The following EFCAB13 variants were observed in gnomAD, a reference collection of about 807,000 sequenced individuals.
The protein encoded by EFCAB13 is EF-hand calcium binding domain 13, also known as EF-hand calcium-binding domain-containing protein 13.
In EFCAB13, 91 loss-of-function variants were observed where a neutral mutation model predicts 110.2. The ratio of observed to expected loss-of-function variants is 0.83; its 90% CI spans 0.70 to 0.98. The LOEUF is 0.98. EFCAB13 is among the 50% of genes least tolerant of loss of function. EFCAB13 has a pLI of 0.00. For missense variants in EFCAB13, 968 were observed against 1,119.4 expected, an observed-to-expected ratio of 0.86 and a Z score of 1.93; for synonymous variants, 323 against 369.9, an observed-to-expected ratio of 0.87 and a Z score of 1.45.
At position 47,377,859 on chromosome 17, in the gene EFCAB13, TAGATGAAGAATTCC is replaced by T. The variant is rs1241638939; in HGVS notation, c.1470_1483del (p.Asp490GlufsTer7). ...TTGCCTTCAACAGGAATTAATTTAT[TAGATGAAGAATTCC>T]AGAAGATTGTGACAGACACTAGTAG... On this transcript the variant is annotated frameshift_variant, in exon 13 of 25. Coordinates refer to ENST00000331493, the MANE Select transcript of EFCAB13 (RefSeq NM_152347.5). LOFTEE classifies it high-confidence loss of function. The T allele has an allele frequency of 3.1e-6, 5 of 1,595,940 alleles. No homozygotes were observed. In the African/African-American group the frequency reaches 6.8e-5, roughly 22 times the overall value.
At chr17:47,385,288 C>T (rs975891607) in intron 14 of EFCAB13, among the ~76,000 whole-genome samples, 15 of 152,072 alleles carry the variant, frequency 9.9e-5, no homozygotes, top group Admixed American at 3.3e-4. Flanking sequence ...CCTAATCAAT[C>T]GTAGGTTTGG....
Position 47,409,628 on chromosome 17 carries a change from T to C in EFCAB13, c.2234-19T>C. 3 of 1,598,224 alleles carry C rather than the reference T, an allele frequency of 1.9e-6. No individual in the cohort carries two copies. The highest frequency in any genetic ancestry group is 2.6e-6 in the Non-Finnish European group (3 of 1,165,822). Reference sequence around the variant, plus strand: ...GGATGCCATTCCTCATTGTGTAATGTCTCTCTCTAAATTTGCAGATTTCAG... The same window carrying C: ...GGATGCCATTCCTCATTGTGTAATGCCTCTCTCTAAATTTGCAGATTTCAG... On this transcript the variant is annotated intron_variant, in intron 20 of 24. Coordinates refer to ENST00000331493, the MANE Select transcript of EFCAB13 (RefSeq NM_152347.5).
Position 47,341,968 on chromosome 17 carries a change from T to C in EFCAB13, c.239T>C (p.Phe80Ser). 1 of 1,601,314 alleles carries C rather than the reference T, an allele frequency of 6.2e-7. No individual in the cohort carries two copies. The highest frequency in any genetic ancestry group is 8.5e-7 in the Non-Finnish European group (1 of 1,174,318). Residue 80 changes from phenylalanine (F) to serine (S), a missense_variant, in exon 6 of 25, where the codon TTT (phenylalanine) becomes TCT (serine). Physicochemically the swap from Phe to Ser is radical, Grantham distance 155 (BLOSUM62 -2). Coordinates refer to ENST00000331493, the MANE Select transcript of EFCAB13 (RefSeq NM_152347.5). ...TGTGGAGAAGAAAAGTCCTCTGATT[T>C]TTCAGGAGAAAAAAAAGTTGGGAGA... ...IFCGEEKSSD[F>S]SGEKKVGRKS...
At chr17:47,412,981 G>A in intron 22 of EFCAB13, 65 bp downstream of exon 22, 1 of 1,537,356 alleles carries the variant, frequency 6.5e-7, no homozygotes, top group Non-Finnish European at 8.8e-7. Context: ...TAGTCTTAGA[G>A]TGTACCTATA....
intron 24 of EFCAB13, among the ~76,000 whole-genome samples, chr17:47,434,352 C>T (rs1279369862): frequency 6.6e-6 from 1 of 151,900 alleles, no homozygotes; most frequent in Non-Finnish European, 1.5e-5. Flanking sequence ...ATATACTGAA[C>T]CAAGGAGGTG....
intron 15 of EFCAB13, 54 bp downstream of exon 15, chr17:47,391,634 AT>A (rs1301299757): frequency 6.4e-5 from 93 of 1,459,740 alleles, no homozygotes; most frequent in Non-Finnish European, 7.8e-5. Flanking sequence ...AGGAGGGTCA[AT>A]TTGTTATTTT....
At position 47,394,942 on chromosome 17, in the gene EFCAB13, C is replaced by T. The variant is rs543523903; in HGVS notation, c.1801+843C>T. Among the ~76,000 whole-genome samples, 11 of 152,046 alleles carry T rather than the reference C, an allele frequency of 7.2e-5. No individual in the cohort carries two copies. In the South Asian group the frequency reaches 2.3e-3, roughly 32 times the overall value. On this transcript the variant is annotated intron_variant, in intron 16 of 24. Transcript: ENST00000331493. ...TGTTAATATTGCATGTTTATGTTTA[C>T]TTCTTTTTCTTTTTTCTTCATTAGA...
At chr17:47,358,076 G>T (rs2065491112) in intron 9 of EFCAB13, among the ~76,000 whole-genome samples, 1 of 152,078 alleles carries the variant, frequency 6.6e-6, no homozygotes, top group African/African-American at 2.4e-5. Flanking sequence ...ATATATTGTT[G>T]TAATAAAATA....
chr17:47,419,953 C>T (rs1006546195), intron 23 of EFCAB13, among the ~76,000 whole-genome samples: 49 of 147,146 alleles, frequency 3.3e-4, no homozygotes, highest in Non-Finnish European at 5.8e-4. Flanking sequence ...CCTCTCCCCA[C>T]GGTCTCCCTC....
intron 21 of EFCAB13, 115 bp downstream of exon 21, chr17:47,409,806 A>AT (rs2065824475): frequency 1.3e-6 from 1 of 785,378 alleles, no homozygotes; most frequent in East Asian, 2.5e-5. Flanking sequence ...CCAGATTACT[A>AT]TTTTTCCACA....
chr17:47,394,929 A>G (rs1032781059), intron 16 of EFCAB13, among the ~76,000 whole-genome samples: 2 of 152,018 alleles, frequency 1.3e-5, no homozygotes, highest in African/African-American at 4.8e-5. Flanking sequence ...TTAATATTGC[A>G]TGTTTATGTT....
chr17:47,440,206 TA>T (rs1567810777), intron 24 of EFCAB13, among the ~76,000 whole-genome samples: 1 of 152,134 alleles, frequency 6.6e-6, no homozygotes, highest in Non-Finnish European at 1.5e-5. Context: ...GCCATTGTAA[TA>T]ATAAAGGTAT....
intron 10 of EFCAB13, among the ~76,000 whole-genome samples, chr17:47,365,835 G>A (rs949665367): frequency 1.3e-5 from 2 of 151,664 alleles, no homozygotes; most frequent in African/African-American, 2.4e-5. Context: ...GAGAAACAAA[G>A]CAAAAATAAA....
intron 9 of EFCAB13, among the ~76,000 whole-genome samples, chr17:47,359,482 A>T (rs538522402): frequency 6.0e-5 from 9 of 150,526 alleles, no homozygotes; most frequent in Non-Finnish European, 1.2e-4. Flanking sequence ...CTGACTATAA[A>T]TGATTTTCCG....
At chr17:47,340,371 A>G (rs1004709909) in intron 5 of EFCAB13, among the ~76,000 whole-genome samples, 1 of 152,114 alleles carries the variant, frequency 6.6e-6, no homozygotes, top group Admixed American at 6.6e-5. Context: ...GTGTGTGCCT[A>G]TAATTCAGTA....
chr17:47,404,015 G>T lies in EFCAB13; in HGVS notation c.2155G>T (p.Val719Phe). The T allele has an allele frequency of 1.9e-6, 3 of 1,585,456 alleles. No homozygotes were observed. Among genetic ancestry groups the T allele is most frequent in the South Asian group, 1.2e-5 (1 of 85,044 alleles). Residue 719 changes from valine (V) to phenylalanine (F), a missense_variant, in exon 19 of 25, where the codon GTT (valine) becomes TTT (phenylalanine). Physicochemically the swap from Val to Phe is conservative, Grantham distance 50. Coordinates refer to ENST00000331493, the MANE Select transcript of EFCAB13 (RefSeq NM_152347.5). ...AGAGAAAATTCTTCAATCAGATTTTGTTTCTGGTAAGCATTTTAAATATTA... is the reference window on the plus strand; with the variant it reads ...AGAGAAAATTCTTCAATCAGATTTTTTTTCTGGTAAGCATTTTAAATATTA... Reference protein sequence around the residue: ...EVEKILQSDFVSEDNMVNIKD... With the variant: ...EVEKILQSDFFSEDNMVNIKD...
At chr17:47,352,059 G>A (rs1484417444) in intron 9 of EFCAB13, among the ~76,000 whole-genome samples, 3 of 151,650 alleles carry the variant, frequency 2.0e-5, no homozygotes, top group African/African-American at 4.8e-5. Context: ...CCGCCACCAC[G>A]CCTGGCTAAT....
chr17:47,434,566 A>G (rs533270303), intron 24 of EFCAB13, among the ~76,000 whole-genome samples: 39 of 152,202 alleles, frequency 2.6e-4, no homozygotes, highest in Admixed American at 5.9e-4. Flanking sequence ...TATGGAACTA[A>G]AAAAGAGCCT....
intron 17 of EFCAB13, among the ~76,000 whole-genome samples, chr17:47,399,103 C>T (rs945007685): frequency 1.3e-5 from 2 of 151,964 alleles, no homozygotes; most frequent in East Asian, 1.9e-4. Context: ...TTTGTAGAGA[C>T]GGGGTTTTGT....
Sources: gnomAD v4.1 joint callset for allele counts (sites outside exome capture counted in the v4.1 genomes callset) on GRCh38, gnomAD v4.1.1 for gene constraint, MANE v1.5 for transcripts, NCBI Gene and HGNC (gene_info 2026-07-23, HGNC 2026-07-21) for gene names.